ANKS1B: variants seen among roughly 807,000 people sequenced by gnomAD.
ANKS1B encodes the protein ankyrin repeat and sterile alpha motif domain-containing protein 1B.
In ANKS1B, 36 loss-of-function variants were observed where a neutral mutation model predicts 148.3. The observed-to-expected ratio is 0.24, with a 90% CI of 0.19 to 0.32. The LOEUF (loss-of-function observed/expected upper bound fraction) is 0.32. ANKS1B is among the 10% of genes least tolerant of loss of function. The pLI is 1.00. For synonymous variants in ANKS1B, 542 were observed against 560.8 expected (o/e 0.97, Z 0.47); for missense variants, 1,157 against 1,542.6 (o/e 0.75, Z 4.19).
chr12:99,235,267 G>A (rs2087686039), intron 14 of ANKS1B, among the ~76,000 whole-genome samples: 1 of 151,870 alleles, frequency 6.6e-6, no homozygotes, highest in South Asian at 2.1e-4. Flanking sequence ...TGGCTCAATG[G>A]CACTATATGT....
intron 17 of ANKS1B, among the ~76,000 whole-genome samples, chr12:99,037,881 T>C (rs2153479692): frequency 6.6e-6 from 1 of 152,278 alleles, no homozygotes; most frequent in East Asian, 1.9e-4. Context: ...GGATGCTGTC[T>C]TAAGGATGTA....
At chr12:99,176,126 G>A (rs1165434606) in intron 14 of ANKS1B, among the ~76,000 whole-genome samples, 1 of 152,152 alleles carries the variant, frequency 6.6e-6, no homozygotes, top group Non-Finnish European at 1.5e-5. Context: ...TAGGATTACA[G>A]GTGTGAGCCA....
chr12:98,896,823 G>C (rs538062795), intron 17 of ANKS1B, among the ~76,000 whole-genome samples: 12 of 152,288 alleles, frequency 7.9e-5, no homozygotes, highest in African/African-American at 2.9e-4. Flanking sequence ...CTGCAATCCA[G>C]ACACCTGTGA....
intron 12 of ANKS1B, among the ~76,000 whole-genome samples, chr12:99,315,246 AAAAAAAC>A (rs1361677004): frequency 1.3e-5 from 2 of 151,912 alleles, no homozygotes; most frequent in Non-Finnish European, 2.9e-5. Flanking sequence ...CTCAAAAAAA[AAAAAAAC>A]AAAAAACCTA....
At chr12:98,909,014 T>C (rs147774613) in intron 17 of ANKS1B, among the ~76,000 whole-genome samples, 26 of 152,256 alleles carry the variant, frequency 1.7e-4, no homozygotes, top group African/African-American at 5.3e-4. Context: ...CAAAGAGGCA[T>C]TGAAATTCAC....
chr12:98,956,245 C>T (rs1200343270), intron 17 of ANKS1B: 1 of 152,418 alleles, frequency 6.6e-6, no homozygotes, highest in Non-Finnish European at 1.5e-5. Context: ...ACCAACCCCA[C>T]TTCCAAACCA....
intron 8 of ANKS1B, among the ~76,000 whole-genome samples, chr12:99,744,809 T>C (rs888294861): frequency 1.3e-5 from 2 of 152,046 alleles, no homozygotes; most frequent in African/African-American, 2.4e-5. Flanking sequence ...CTGACTAACA[T>C]GGTGAAACCC....
At chr12:98,996,472 A>G (rs2099929662) in intron 17 of ANKS1B, among the ~76,000 whole-genome samples, 1 of 152,054 alleles carries the variant, frequency 6.6e-6, no homozygotes, top group South Asian at 2.1e-4. Context: ...TCCCCTCCAC[A>G]GCTCTTCAGA....
intron 14 of ANKS1B, among the ~76,000 whole-genome samples, chr12:99,195,715 C>T (rs974625188): frequency 6.6e-6 from 1 of 151,982 alleles, no homozygotes. Context: ...ATTTCAGGAA[C>T]AAAAGAAAGC....
chr12:98,739,017 G>T (rs6538883), downstream of ANKS1B, among the ~76,000 whole-genome samples: 1 of 152,172 alleles, frequency 6.6e-6, no homozygotes. Flanking sequence ...TTTTCCATAC[G>T]TTATTTAACT....
At chr12:99,839,579 T>C (rs1349160934) in intron 1 of ANKS1B, among the ~76,000 whole-genome samples, 1 of 152,166 alleles carries the variant, frequency 6.6e-6, no homozygotes, top group African/African-American at 2.4e-5. Context: ...CTCTTAAAAA[T>C]ATTTTAAAAT....
At chr12:99,826,874 G>A (rs1027108839) in intron 1 of ANKS1B, among the ~76,000 whole-genome samples, 9 of 152,188 alleles carry the variant, frequency 5.9e-5, no homozygotes, top group Admixed American at 2.0e-4. Context: ...ACTTTGGGAG[G>A]CTGAGGAGGG....
At chr12:99,028,852 T>C (rs2099950352) in intron 17 of ANKS1B, among the ~76,000 whole-genome samples, 1 of 152,216 alleles carries the variant, frequency 6.6e-6, no homozygotes, top group South Asian at 2.1e-4. Flanking sequence ...TTGTTTAATA[T>C]GAACTTCAAT....
At chr12:99,590,277 C>CACACAT (rs1555503183) in intron 9 of ANKS1B, among the ~76,000 whole-genome samples, 2 of 151,408 alleles carry the variant, frequency 1.3e-5, no homozygotes, top group African/African-American at 4.9e-5. Context: ...CACACACACA[C>CACACAT]ACACACACAC....
At chr12:99,035,701 T>C (rs920589682) in intron 17 of ANKS1B, among the ~76,000 whole-genome samples, 1 of 152,124 alleles carries the variant, frequency 6.6e-6, no homozygotes, top group Non-Finnish European at 1.5e-5. Flanking sequence ...CGGAGATGCA[T>C]GTAAAGCGGT....
intron 1 of ANKS1B, among the ~76,000 whole-genome samples, chr12:99,860,922 A>G (rs1418528622): frequency 6.6e-6 from 1 of 152,220 alleles, no homozygotes; most frequent in Non-Finnish European, 1.5e-5. Flanking sequence ...GGCTGCCTCC[A>G]TACTTTGAGT....
chr12:98,772,543 G>C (rs147308097), intron 25 of ANKS1B, among the ~76,000 whole-genome samples: 9 of 152,118 alleles, frequency 5.9e-5, no homozygotes, highest in African/African-American at 2.2e-4. Flanking sequence ...CTTACATGGC[G>C]GCAGGCAAGA....
intron 22 of ANKS1B, among the ~76,000 whole-genome samples, chr12:98,788,234 C>A (rs1216296576): frequency 6.7e-6 from 1 of 149,466 alleles, no homozygotes; most frequent in Non-Finnish European, 1.5e-5. Flanking sequence ...GTGAAACCCC[C>A]CATCTCTAGA....
intron 10 of ANKS1B, among the ~76,000 whole-genome samples, chr12:99,495,221 T>C (rs1471510811): frequency 6.6e-6 from 1 of 152,178 alleles, no homozygotes; most frequent in African/African-American, 2.4e-5. Flanking sequence ...AAAGAGCCTA[T>C]ATTCCCACAT....
Sources: allele counts gnomAD v4.1 joint callset (sites outside exome capture counted in the v4.1 genomes callset), GRCh38; gene constraint gnomAD v4.1.1; transcripts MANE v1.5; gene names NCBI Gene and HGNC (gene_info 2026-07-23, HGNC 2026-07-21).